FRK: variants seen among roughly 807,000 people sequenced by gnomAD.
FRK encodes the protein tyrosine-protein kinase FRK.
Under a neutral mutation model 56.4 loss-of-function variants are expected in FRK, and 51 were observed. The observed-to-expected ratio is 0.90, with a 90% CI of 0.72 to 1.14. The LOEUF (loss-of-function observed/expected upper bound fraction) is 1.14, where lower values mean the gene tolerates loss of function less well. Among genes scored for constraint, FRK ranks in the 50% most tolerant of loss-of-function variants. The pLI, the probability that FRK is intolerant of heterozygous loss-of-function variation, is 0.00. For missense variants in FRK, 570 were observed against 601.4 expected, an observed-to-expected ratio of 0.95 and a Z score of 0.55; for synonymous variants, 245 against 217.9, an observed-to-expected ratio of 1.12 and a Z score of -1.10.
intron 1 of FRK, among the ~76,000 whole-genome samples, chr6:116,014,638 A>G (rs919702782): frequency 6.6e-6 from 1 of 152,124 alleles, no homozygotes; most frequent in African/African-American, 2.4e-5. Flanking sequence ...TGGAAGAAGT[A>G]GATCTTTGGT....
Position 115,933,524 on chromosome 6 carries a change from T to G in FRK, c.*8890A>C, listed in dbSNP as rs1369764460. The G allele has an allele frequency of 6.6e-6, 1 of 152,124 alleles. No homozygotes were observed. Among genetic ancestry groups the G allele is most frequent in the East Asian group, 1.9e-4 (1 of 5,202 alleles). The allele number at this position is 152,124 out of a possible 1,614,324, so 9.4% of individuals were successfully genotyped here. ...CCTTGAACATAAATGTCCCCAAGAATCAAACACAGTAAGTTAAACGGGTAT... is the reference window on the plus strand; with the variant it reads ...CCTTGAACATAAATGTCCCCAAGAAGCAAACACAGTAAGTTAAACGGGTAT... On this transcript the variant is annotated 3_prime_UTR_variant, in exon 8 of 8. Coordinates refer to ENST00000606080, the MANE Select transcript of FRK (RefSeq NM_002031.3).
At chr6:115,947,176 C>G (rs1327687305) in intron 5 of FRK, among the ~76,000 whole-genome samples, 2 of 151,928 alleles carry the variant, frequency 1.3e-5, no homozygotes, top group African/African-American at 4.8e-5. Context: ...TGGGCAGTGA[C>G]TGAATGGTTG....
chr6:116,032,019 A>T (rs1776319103), intron 1 of FRK, among the ~76,000 whole-genome samples: 1 of 152,112 alleles, frequency 6.6e-6, no homozygotes, highest in South Asian at 2.1e-4. Context: ...AATATACACA[A>T]GAGGAAGCTG....
intron 1 of FRK, among the ~76,000 whole-genome samples, chr6:116,053,665 C>G (rs1310057125): frequency 6.6e-6 from 1 of 152,054 alleles, no homozygotes; most frequent in African/African-American, 2.4e-5. Flanking sequence ...GACTGGAGCT[C>G]AGTAGTTAAT....
At chr6:115,976,950 A>G (rs1774012661) in intron 2 of FRK, among the ~76,000 whole-genome samples, 1 of 152,178 alleles carries the variant, frequency 6.6e-6, no homozygotes, top group Admixed American at 6.6e-5. Flanking sequence ...GCAACTTAAC[A>G]TAGTGGCTAC....
At chr6:115,973,489 T>C (rs890478104) in intron 2 of FRK, among the ~76,000 whole-genome samples, 2 of 152,192 alleles carry the variant, frequency 1.3e-5, no homozygotes, top group South Asian at 2.1e-4. Context: ...CAAACCACCA[T>C]GGCACGCGTA....
chr6:115,958,704 G>GAAAGAAAGAAGGAAGAAAGA (rs5879359), intron 4 of FRK, among the ~76,000 whole-genome samples: 2 of 6,960 alleles, frequency 2.9e-4, no homozygotes, highest in African/African-American at 8.1e-4. Context: ...AAGAAAGAAA[G>GAAAGAAAGAAGGAAGAAAGA]AAGAAAGAAA....
intron 4 of FRK, among the ~76,000 whole-genome samples, chr6:115,959,466 C>G (rs561447564): frequency 1.5e-3 from 221 of 152,250 alleles, no homozygotes; most frequent in Non-Finnish European, 2.8e-3. Context: ...CATTTATTAA[C>G]AAGATTAGGG....
the FRK span, among the ~76,000 whole-genome samples, chr6:116,068,196 G>C: frequency 2.3e-4 from 35 of 152,166 alleles, no homozygotes. Flanking sequence ...CAATGATGAT[G>C]ATCATGATGA....
chr6:115,998,627 C>T (rs1302778734), intron 2 of FRK, among the ~76,000 whole-genome samples: 1 of 152,228 alleles, frequency 6.6e-6, no homozygotes, highest in African/African-American at 2.4e-5. Flanking sequence ...GATTTGGCCC[C>T]TGCCCTCTCT....
chr6:115,931,510 A>G lies in FRK; in HGVS notation c.*10904T>C, dbSNP rs993750190. The stretch of plus-strand genomic sequence containing the variant: ...CATGTAACTGTACAATATAAATATT[A>G]AAGAATACAATATAAAAACATGCAT... On this transcript the variant is annotated 3_prime_UTR_variant, in exon 8 of 8. Coordinates refer to ENST00000606080, the MANE Select transcript of FRK (RefSeq NM_002031.3). 1 of 152,214 alleles carries G rather than the reference A, an allele frequency of 6.6e-6. No individual in the cohort carries two copies. Among genetic ancestry groups the G allele is most frequent in the African/African-American group, 2.4e-5 (1 of 41,468 alleles). The allele number at this position is 152,214 out of a possible 1,614,324, so 9.4% of individuals were successfully genotyped here.
chr6:116,042,154 C>G (rs922003040), intron 1 of FRK, among the ~76,000 whole-genome samples: 1 of 152,152 alleles, frequency 6.6e-6, no homozygotes, highest in African/African-American at 2.4e-5. Context: ...AGGCAGAGCC[C>G]ACCACAGCAC....
rs947542306 is a variant in FRK at position 115,931,292 on chromosome 6, G to A, written c.*11122C>T. ...AGTGTGAATAAAAATAGAATACATAGGGCAAAATATAATTTCAAGAAAAAC... is the reference window on the plus strand; with the variant it reads ...AGTGTGAATAAAAATAGAATACATAAGGCAAAATATAATTTCAAGAAAAAC... On this transcript the variant is annotated 3_prime_UTR_variant, in exon 8 of 8. Coordinates refer to ENST00000606080, the MANE Select transcript of FRK (RefSeq NM_002031.3). The A allele has an allele frequency of 4.6e-5, 7 of 151,948 alleles. No homozygotes were observed. Among genetic ancestry groups the A allele is most frequent in the Admixed American group, 1.3e-4 (2 of 15,256 alleles). The allele number at this position is 151,948 out of a possible 1,614,324, so 9.4% of individuals were successfully genotyped here. A position where few individuals can be genotyped will look rare whatever the true frequency, so the allele number is the denominator to read the frequency against.
chr6:115,989,396 G>A (rs1254606453), intron 2 of FRK, among the ~76,000 whole-genome samples: 1 of 151,750 alleles, frequency 6.6e-6, no homozygotes. Context: ...CACCCAAATA[G>A]TAAGCTTTGT....
At chr6:115,947,317 AGTGTGTGTGTGTGTGTGT>A (rs10577529) in intron 5 of FRK, among the ~76,000 whole-genome samples, 4 of 149,898 alleles carry the variant, frequency 2.7e-5, no homozygotes, top group African/African-American at 9.8e-5. Context: ...AGACTTAAAC[AGTGTGTGTGTGTGTGTGT>A]GTGTGTGTGT....
chr6:116,098,821 G>C, the FRK span, among the ~76,000 whole-genome samples: 1 of 152,138 alleles, frequency 6.6e-6, no homozygotes, highest in Non-Finnish European at 1.5e-5. Flanking sequence ...TTTAAACTCA[G>C]GGTTATGTAG....
At chr6:115,947,647 C>G (rs1227376171) in intron 5 of FRK, among the ~76,000 whole-genome samples, 1 of 151,996 alleles carries the variant, frequency 6.6e-6, no homozygotes, top group African/African-American at 2.4e-5. Context: ...CCTGTATTAC[C>G]CTTTAGAGAA....
intron 1 of FRK, among the ~76,000 whole-genome samples, chr6:116,017,109 C>T (rs1775686764): frequency 6.6e-6 from 1 of 152,142 alleles, no homozygotes; most frequent in African/African-American, 2.4e-5. Context: ...ACATTACAAG[C>T]TTACTCCTCA....
At chr6:116,097,150 A>T in the FRK span, among the ~76,000 whole-genome samples, 1 of 152,222 alleles carries the variant, frequency 6.6e-6, no homozygotes, top group East Asian at 1.9e-4. Context: ...AAAAATAAAA[A>T]ATATTCCTCA....
Sources: gnomAD v4.1 joint callset for allele counts (sites outside exome capture counted in the v4.1 genomes callset) on GRCh38, gnomAD v4.1.1 for gene constraint, MANE v1.5 for transcripts, NCBI Gene and HGNC (gene_info 2026-07-23, HGNC 2026-07-21) for gene names.